MCF2L2: variants seen among roughly 807,000 people sequenced by gnomAD.
MCF2L2 encodes probable guanine nucleotide exchange factor MCF2L2.
A neutral mutation model predicts 150.2 loss-of-function variants in MCF2L2; 102 were observed. The ratio of observed to expected loss-of-function variants is 0.68; its 90% CI spans 0.58 to 0.80. MCF2L2 has a LOEUF of 0.80. Among genes scored for constraint, MCF2L2 ranks in the 30% least tolerant of loss-of-function variants. The probability of loss-of-function intolerance (pLI) is 0.00; values close to 1 mark genes in which losing one functional copy is unlikely to be tolerated. For missense variants in MCF2L2, 1,256 were observed against 1,372.8 expected (o/e 0.91, Z 1.34); for synonymous variants, 465 against 491.3 (o/e 0.95, Z 0.71).
At chr3:183,198,870 G>T (rs1027732232) in intron 25 of MCF2L2, among the ~76,000 whole-genome samples, 1 of 152,126 alleles carries the variant, frequency 6.6e-6, no homozygotes, top group East Asian at 1.9e-4. Flanking sequence ...TTCTACTAGA[G>T]TTGCCATATC....
At chr3:183,371,354 A>T (rs144771260) in intron 3 of MCF2L2, among the ~76,000 whole-genome samples, 7 of 152,034 alleles carry the variant, frequency 4.6e-5, no homozygotes, top group Non-Finnish European at 1.0e-4. Flanking sequence ...TACACGTAAG[A>T]TGTCCATTAG....
At chr3:183,426,428 G>A (rs751246804) in intron 1 of MCF2L2, among the ~76,000 whole-genome samples, 13 of 152,206 alleles carry the variant, frequency 8.5e-5, no homozygotes, top group Non-Finnish European at 4.4e-5. Context: ...TAACTGAAAT[G>A]TCTGTATAAT....
intron 26 of MCF2L2, among the ~76,000 whole-genome samples, chr3:183,193,866 G>C (rs986421110): frequency 6.6e-6 from 1 of 152,188 alleles, no homozygotes; most frequent in Non-Finnish European, 1.5e-5. Flanking sequence ...CTTGCTTGCA[G>C]AGTGGTTTGC....
In MCF2L2 at chr3:183,315,521, T is replaced by G. The variant is rs532588659; in HGVS notation, c.753+2547A>C. ...GATAGGGGGTGTTTAACCAAATTAA[T>G]GTAATAGAGTATAAATGTCAAATAA... On this transcript the variant is annotated intron_variant, in intron 7 of 29. Coordinates refer to ENST00000328913, the MANE Select transcript of MCF2L2 (RefSeq NM_015078.4). Among the ~76,000 whole-genome samples the G allele has an allele frequency of 2.8e-4, 43 of 152,350 alleles. No homozygotes were observed. The South Asian group carries it at 8.1e-3, about 29-fold the overall frequency.
chr3:183,428,199 G>T lies in MCF2L2; in HGVS notation c.-222C>A. 1 of 524,194 alleles carries T rather than the reference G, an allele frequency of 1.9e-6. No individual in the cohort carries two copies. 32.5% of individuals were successfully genotyped at this position (524,194 alleles called of 1,614,324 possible). On this transcript the variant is annotated 5_prime_UTR_variant, in exon 1 of 30. Transcript: ENST00000328913. This position sits in a 1 kb window ranked among gnomAD's most constrained non-coding sequence, Gnocchi z 5.1. ...AGACCAAGTCTGGCGCTTTCCCAGC[G>T]TCGCAGCTGGACCGAGAGAGGAGCG... is the stretch of plus-strand genomic sequence containing the variant.
At chr3:183,261,951 T>C (rs1367129326) in intron 15 of MCF2L2, among the ~76,000 whole-genome samples, 3 of 139,190 alleles carry the variant, frequency 2.2e-5, no homozygotes, top group Non-Finnish European at 4.5e-5. Flanking sequence ...GAGGTTTTCA[T>C]GTCCAGCATT....
chr3:183,272,406 A>C (rs1726854257), intron 15 of MCF2L2: 1 of 1,000,172 alleles, frequency 1.0e-6, no homozygotes, highest in Non-Finnish European at 1.2e-6. Flanking sequence ...CTCATATAAT[A>C]AGGTGATGTC....
intron 22 of MCF2L2, among the ~76,000 whole-genome samples, chr3:183,208,730 G>C (rs1350405881): frequency 6.6e-6 from 1 of 152,182 alleles, no homozygotes; most frequent in African/African-American, 2.4e-5. Flanking sequence ...ATCTCCCTAA[G>C]TGACCTCTAG....
intron 7 of MCF2L2, among the ~76,000 whole-genome samples, chr3:183,317,303 C>T (rs1221447544): frequency 6.6e-6 from 1 of 152,102 alleles, no homozygotes; most frequent in African/African-American, 2.4e-5. Flanking sequence ...CCGTCCAATC[C>T]TCATTTTGCT....
chr3:183,327,460 GCACACAGGC>G (rs1192834803), intron 5 of MCF2L2, among the ~76,000 whole-genome samples: 3 of 152,174 alleles, frequency 2.0e-5, no homozygotes, highest in Admixed American at 6.5e-5. Context: ...CTACAACCTG[GCACACAGGC>G]CATTGCAACA....
At chr3:183,392,729 T>G (rs1014122810) in intron 1 of MCF2L2, among the ~76,000 whole-genome samples, 3 of 152,192 alleles carry the variant, frequency 2.0e-5, no homozygotes, top group Non-Finnish European at 4.4e-5. Context: ...CAGCCTTCAG[T>G]TGCCTGACAC....
chr3:183,393,513 C>CCACACAAG (rs1714280186), intron 1 of MCF2L2, among the ~76,000 whole-genome samples: 1 of 152,032 alleles, frequency 6.6e-6, no homozygotes, highest in Non-Finnish European at 1.5e-5. Context: ...TCTTTGTTAC[C>CCACACAAG]CACACAAGGC....
chr3:183,396,060 A>G (rs537649135), intron 1 of MCF2L2, among the ~76,000 whole-genome samples: 160 of 145,364 alleles, frequency 1.1e-3, no homozygotes, highest in African/African-American at 3.9e-3. Context: ...CCCTCCCCCC[A>G]TGAACATATG....
At chr3:183,302,774 C>T (rs1443046562) in intron 10 of MCF2L2, among the ~76,000 whole-genome samples, 3 of 152,070 alleles carry the variant, frequency 2.0e-5, no homozygotes, top group Admixed American at 6.6e-5. Flanking sequence ...GCTTCCCTGG[C>T]GACTATATCT....
intron 22 of MCF2L2, 111 bp downstream of exon 22, chr3:183,215,858 C>T: frequency 7.6e-7 from 1 of 1,322,276 alleles, no homozygotes; most frequent in Non-Finnish European, 1.0e-6. Flanking sequence ...TCCTCAGAGT[C>T]CAATTCCTTT....
chr3:183,195,193 G>A, intron 26 of MCF2L2, 29 bp downstream of exon 26: 1 of 1,560,640 alleles, frequency 6.4e-7, no homozygotes, highest in Non-Finnish European at 8.7e-7. Flanking sequence ...CATTTGACAT[G>A]CCTTTAAAAT....
At chr3:183,195,129 G>C in intron 26 of MCF2L2, 93 bp downstream of exon 26, 1 of 1,062,598 alleles carries the variant, frequency 9.4e-7, no homozygotes, top group Non-Finnish European at 1.4e-6. Context: ...CCAAGTGTTG[G>C]GGGAAGAAAA....
At chr3:183,427,229 T>C (rs1265920542) in intron 1 of MCF2L2, among the ~76,000 whole-genome samples, 1 of 152,226 alleles carries the variant, frequency 6.6e-6, no homozygotes, top group Non-Finnish European at 1.5e-5. Context: ...CTCTTGCCCT[T>C]ACTTAGTCTG....
intron 1 of MCF2L2, among the ~76,000 whole-genome samples, chr3:183,424,771 G>A (rs1260928972): frequency 6.6e-6 from 1 of 152,150 alleles, no homozygotes; most frequent in Non-Finnish European, 1.5e-5. Context: ...GGTTTCAAAG[G>A]TGTGTACTAT....
Sources: gnomAD v4.1 joint callset for allele counts (sites outside exome capture counted in the v4.1 genomes callset) on GRCh38, gnomAD v4.1.1 for gene constraint, Gnocchi (gnomAD v3.1) non-coding constraint, MANE v1.5 for transcripts, NCBI Gene and HGNC (gene_info 2026-07-23, HGNC 2026-07-21) for gene names.